The following NCF4 variants were observed in gnomAD, a reference collection of about 807,000 sequenced individuals.
The protein encoded by NCF4 is neutrophil cytosolic factor 4.
Under a neutral mutation model 41.7 loss-of-function variants are expected in NCF4, and 30 were observed. The ratio of observed to expected loss-of-function variants is 0.72; its 90% confidence interval spans 0.54 to 0.97. NCF4 has a LOEUF of 0.97. Among genes scored for constraint, NCF4 ranks in the 50% least tolerant of loss-of-function variants. The pLI is 0.00. For synonymous variants in NCF4, 195 were observed against 175.8 expected, an observed-to-expected ratio of 1.11 and a Z score of -0.87; for missense variants, 432 against 460.9, an observed-to-expected ratio of 0.94 and a Z score of 0.57.
intron 7 of NCF4, among the ~76,000 whole-genome samples, chr22:36,875,148 G>A (rs565321819): frequency 6.6e-6 from 1 of 152,206 alleles, no homozygotes; most frequent in South Asian, 2.1e-4. Context: ...TCCTGCTTCC[G>A]CCTCCCGAGT....
In NCF4 at chr22:36,877,829, C is replaced by T. The variant is rs763700539; in HGVS notation, c.*6C>T. 6 of 1,611,736 alleles carry T rather than the reference C, an allele frequency of 3.7e-6. No homozygotes were observed. Among genetic ancestry groups the T allele is most frequent in the South Asian group, 3.3e-5 (3 of 90,764 alleles). The stretch of plus-strand genomic sequence containing the variant: ...TCTACAACACGATGCCATGAGCTGA[C>T]GGTGTCCCTGGAGCAGTGAGGGGAC... On this transcript the variant is annotated 3_prime_UTR_variant, in exon 10 of 10. Transcript: ENST00000248899.
chr22:36,872,058 G>T, intron 6 of NCF4: 1 of 689,488 alleles, frequency 1.5e-6, no homozygotes, highest in Non-Finnish European at 2.7e-6. Context: ...TGGGGACCAG[G>T]GTGGGTGCTC....
At chr22:36,872,634 GGTGGAGGTAAGAGTGGAGATGAGA>G (rs1940090656) in intron 7 of NCF4, among the ~76,000 whole-genome samples, 1 of 32,218 alleles carries the variant, frequency 3.1e-5, no homozygotes, top group African/African-American at 6.3e-5. Flanking sequence ...TGGAGGTGAG[GGTGGAGGTAAGAGTGGAGATGAGA>G]TTGGAGGTGA....
chr22:36,867,352 T>C, intron 3 of NCF4, 40 bp from the exon 4 acceptor site: 1 of 1,612,150 alleles, frequency 6.2e-7, no homozygotes, highest in Non-Finnish European at 8.5e-7. Flanking sequence ...CGGGGCCATG[T>C]TGGGCCAGGC....
At chr22:36,872,258 T>C in intron 6 of NCF4, 69 bp from the exon 7 acceptor site, 1 of 1,208,850 alleles carries the variant, frequency 8.3e-7, no homozygotes, top group Non-Finnish European at 1.2e-6. Context: ...GACTAAAGTA[T>C]GTAAGGCACT....
chr22:36,875,615 C>T (rs1409786429), intron 7 of NCF4, 38 bp from the exon 8 acceptor site: 2 of 1,592,568 alleles, frequency 1.3e-6, no homozygotes, highest in East Asian at 2.2e-5. Flanking sequence ...TGCTGCCTCT[C>T]CTCTCACCAG....
chr22:36,875,884 G>C lies in NCF4; in HGVS notation c.758+101G>C, dbSNP rs780144703. ...TCATGGGTCCCTCTCCCACTCCAAA[G>C]CCCCCAGTGGCTCCCAGATGAGCCA... is the stretch of plus-strand genomic sequence containing the variant. On this transcript the variant is annotated intron_variant, in intron 8 of 9. Coordinates refer to ENST00000248899, the MANE Select transcript of NCF4 (RefSeq NM_000631.5). The C allele has an allele frequency of 2.0e-5, 33 of 1,613,942 alleles. 1 individual carries two copies. In the South Asian group the frequency reaches 2.2e-4, roughly 11 times the overall value.
chr22:36,875,855 C>T, intron 8 of NCF4, 72 bp downstream of exon 8: 1 of 1,614,136 alleles, frequency 6.2e-7, no homozygotes, highest in South Asian at 1.1e-5. Context: ...CTCACATCAC[C>T]TTCTCATGGG....
chr22:36,872,450 G>A, intron 7 of NCF4, 25 bp downstream of exon 7: 1 of 1,533,654 alleles, frequency 6.5e-7, no homozygotes, highest in Non-Finnish European at 9.0e-7. Flanking sequence ...GAGGATGGAG[G>A]TGAGATTGAA....
intron 5 of NCF4, among the ~76,000 whole-genome samples, chr22:36,870,926 G>A (rs568834989): frequency 1.3e-5 from 2 of 152,306 alleles, no homozygotes; most frequent in South Asian, 4.1e-4. Context: ...TCCCTGGTGT[G>A]TTGGAGCTCC....
intron 9 of NCF4, among the ~76,000 whole-genome samples, chr22:36,876,843 CA>C (rs1940203460): frequency 6.6e-6 from 1 of 152,190 alleles, no homozygotes; most frequent in Non-Finnish European, 1.5e-5. Context: ...AAAGCATTTG[CA>C]AGTCTCATAG....
intron 1 of NCF4, among the ~76,000 whole-genome samples, chr22:36,863,413 C>T (rs746433408): frequency 5.3e-5 from 8 of 151,424 alleles, no homozygotes; most frequent in Non-Finnish European, 7.4e-5. Flanking sequence ...GCCTATGCCT[C>T]GAGCATCTGC....
In NCF4 at chr22:36,865,731, T is replaced by C. The variant is rs1352582345; in HGVS notation, c.271+659T>C. Reference sequence around the variant, plus strand: ...GGTCTCAGCGGCGCCCTTCGTGCCCTGCAAGTTAGAGACAGGGACAATTGT... The same window carrying C: ...GGTCTCAGCGGCGCCCTTCGTGCCCCGCAAGTTAGAGACAGGGACAATTGT... On this transcript the variant is annotated intron_variant, in intron 3 of 9. Transcript: ENST00000248899. This position sits in a 1 kb window ranked among gnomAD's most constrained non-coding sequence, Gnocchi z 4.3. Among the ~76,000 whole-genome samples the C allele has an allele frequency of 6.6e-6, 1 of 152,214 alleles. No individual in the cohort carries two copies. Among genetic ancestry groups the C allele is most frequent in the Non-Finnish European group, 1.5e-5 (1 of 68,032 alleles).
chr22:36,870,338 G>T, intron 4 of NCF4, 77 bp from the exon 5 acceptor site: 1 of 1,602,276 alleles, frequency 6.2e-7, no homozygotes, highest in African/African-American at 1.3e-5. Flanking sequence ...TCAGGGCTCG[G>T]GGACGGGACA....
intron 4 of NCF4, among the ~76,000 whole-genome samples, chr22:36,868,636 G>T (rs1291077995): frequency 2.0e-5 from 3 of 151,944 alleles, no homozygotes; most frequent in Non-Finnish European, 4.4e-5. Flanking sequence ...TCTCCCCCTG[G>T]GCTAGAATAG....
chr22:36,873,563 G>C (rs1005854054), intron 7 of NCF4, among the ~76,000 whole-genome samples: 15 of 152,146 alleles, frequency 9.9e-5, no homozygotes, highest in Admixed American at 3.9e-4. Flanking sequence ...AAGCCTTTGG[G>C]GAGGCAGGTG....
chr22:36,871,224 G>C (rs1940047550), intron 5 of NCF4, among the ~76,000 whole-genome samples: 1 of 152,198 alleles, frequency 6.6e-6, no homozygotes. Flanking sequence ...AATTCCAGCT[G>C]TGCCATGTGG....
At chr22:36,872,288 T>C in intron 6 of NCF4, 39 bp from the exon 7 acceptor site, 1 of 1,428,482 alleles carries the variant, frequency 7.0e-7, no homozygotes. Flanking sequence ...ACTCAGTGAG[T>C]GTTCTCTCCT....
In NCF4 at chr22:36,872,321, C is replaced by T. The variant is rs774716281; in HGVS notation, c.529-6C>T. 8.8e-6 allele frequency: 14 copies of T among 1,592,334 alleles called. No homozygotes were observed. Among genetic ancestry groups the T allele is most frequent in the Non-Finnish European group, 1.2e-5 (14 of 1,160,234 alleles). On this transcript the variant is annotated splice_polypyrimidine_tract_variant and splice_region_variant and intron_variant, in intron 6 of 9. Transcript: ENST00000248899. The stretch of plus-strand genomic sequence containing the variant: ...CCTTCCCTCCTTACTGCACGCTTCT[C>T]CTCAGGCTCTATTTGACTTCACTGG...
Sources: allele counts gnomAD v4.1 joint callset (sites outside exome capture counted in the v4.1 genomes callset), GRCh38; gene constraint gnomAD v4.1.1; non-coding constraint Gnocchi (gnomAD v3.1); transcripts MANE v1.5; gene names NCBI Gene and HGNC (gene_info 2026-07-23, HGNC 2026-07-21).